SIL1: variants seen among roughly 807,000 people sequenced by gnomAD.
SIL1 encodes the protein SIL1 nucleotide exchange factor.
A neutral mutation model predicts 49.1 loss-of-function variants in SIL1; 40 were observed. The ratio of observed to expected loss-of-function variants is 0.81; its 90% confidence interval spans 0.63 to 1.06. SIL1 has a LOEUF of 1.06. Among genes scored for constraint, SIL1 ranks in the 50% least tolerant of loss-of-function variants. SIL1 has a pLI of 0.00. For missense variants in SIL1, 500 were observed against 572.6 expected, an observed-to-expected ratio of 0.87 and a Z score of 1.29; for synonymous variants, 253 against 250.8, an observed-to-expected ratio of 1.01 and a Z score of -0.08.
chr5:139,005,256 AT>A (rs1768085615), intron 7 of SIL1, among the ~76,000 whole-genome samples: 1 of 146,996 alleles, frequency 6.8e-6, no homozygotes, highest in Non-Finnish European at 1.5e-5. Context: ...GTAAAAAAAA[AT>A]TTTTTTTAAT....
chr5:138,988,119 C>T (rs1767682520), intron 7 of SIL1, among the ~76,000 whole-genome samples: 1 of 152,226 alleles, frequency 6.6e-6, no homozygotes, highest in African/African-American at 2.4e-5. Context: ...AGATGTGAGA[C>T]ACTGCGCCTG....
At chr5:139,164,612 C>T (rs1751580511) in intron 1 of SIL1, among the ~76,000 whole-genome samples, 1 of 152,144 alleles carries the variant, frequency 6.6e-6, no homozygotes, top group African/African-American at 2.4e-5. Context: ...TACCATGTGC[C>T]AAGCACATGA....
chr5:139,001,734 G>A (rs1011308839), intron 7 of SIL1, among the ~76,000 whole-genome samples: 19 of 152,022 alleles, frequency 1.2e-4, no homozygotes, highest in Non-Finnish European at 2.4e-4. Context: ...GTGAAACCCC[G>A]TCTCTACTAA....
intron 7 of SIL1, among the ~76,000 whole-genome samples, chr5:139,006,955 T>C (rs1230576779): frequency 3.4e-5 from 5 of 147,330 alleles, no homozygotes; most frequent in African/African-American, 7.6e-5. Flanking sequence ...TCTTTTTTGG[T>C]TCCATATGAA....
chr5:139,132,749 G>C (rs912501944), intron 1 of SIL1, among the ~76,000 whole-genome samples: 2 of 152,208 alleles, frequency 1.3e-5, no homozygotes, highest in Non-Finnish European at 2.9e-5. Context: ...ACGTCACCTG[G>C]TCTTGGTCCT....
chr5:138,993,072 T>A (rs960649772), intron 7 of SIL1, among the ~76,000 whole-genome samples: 4 of 152,192 alleles, frequency 2.6e-5, no homozygotes, highest in African/African-American at 9.7e-5. Context: ...GTATAAAGAC[T>A]ATATTTCTCG....
At chr5:139,058,249 G>A (rs1486768189) in intron 3 of SIL1, among the ~76,000 whole-genome samples, 1 of 152,032 alleles carries the variant, frequency 6.6e-6, no homozygotes, top group Non-Finnish European at 1.5e-5. Context: ...GGCTGTCAGG[G>A]GCTGTGGGAA....
In SIL1 at chr5:138,948,531, G is replaced by A. The variant is rs561228199; in HGVS notation, c.1030-1058C>T. On this transcript the variant is annotated intron_variant, in intron 9 of 9. Coordinates refer to ENST00000394817, the MANE Select transcript of SIL1 (RefSeq NM_022464.5). This position sits in a 1 kb window ranked among gnomAD's most constrained non-coding sequence, Gnocchi z 4.8. ...GGGACTGCGAGGCTCTGCAGGCTCT[G>A]CCCCCACTGTGCGCGGCCTGGACCC... is the stretch of plus-strand genomic sequence containing the variant. 6.6e-6 allele frequency among the ~76,000 whole-genome samples: 1 copy of A among 152,196 alleles called. No homozygotes were observed. Among genetic ancestry groups the A allele is most frequent in the African/African-American group, 2.4e-5 (1 of 41,500 alleles).
At chr5:139,178,041 T>C (rs1406727830) in intron 1 of SIL1, among the ~76,000 whole-genome samples, 1 of 152,228 alleles carries the variant, frequency 6.6e-6, no homozygotes, top group South Asian at 2.1e-4. Flanking sequence ...CAAAGGACTC[T>C]GTAGCTGTCA....
intron 3 of SIL1, among the ~76,000 whole-genome samples, chr5:139,087,150 A>C (rs1422906748): frequency 2.0e-5 from 3 of 151,824 alleles, no homozygotes; most frequent in Non-Finnish European, 4.4e-5. Context: ...TTCTTTCTTC[A>C]TCCCCAACTC....
intron 1 of SIL1, among the ~76,000 whole-genome samples, chr5:139,181,181 A>G (rs572494469): frequency 2.0e-5 from 3 of 152,218 alleles, no homozygotes; most frequent in Non-Finnish European, 4.4e-5. Context: ...CTCCTTTCCA[A>G]CCAAGCCTCT....
chr5:139,076,580 C>T (rs928116407), intron 3 of SIL1, among the ~76,000 whole-genome samples: 7 of 152,200 alleles, frequency 4.6e-5, no homozygotes, highest in South Asian at 2.1e-4. Context: ...CTCTGGGCTA[C>T]AGTACCTCAG....
chr5:139,182,210 C>A (rs894704385), intron 1 of SIL1, among the ~76,000 whole-genome samples: 4 of 152,136 alleles, frequency 2.6e-5, no homozygotes, highest in Non-Finnish European at 4.4e-5. Context: ...AGGCAAGGTC[C>A]ACGCAGCACA....
intron 3 of SIL1, among the ~76,000 whole-genome samples, chr5:139,070,782 A>G (rs549486477): frequency 2.1e-4 from 32 of 152,188 alleles, no homozygotes; most frequent in African/African-American, 6.7e-4. Flanking sequence ...CAGAGGATCA[A>G]CTCATTATCT....
chr5:139,160,438 G>A (rs916602622), intron 1 of SIL1, among the ~76,000 whole-genome samples: 9 of 152,180 alleles, frequency 5.9e-5, no homozygotes, highest in African/African-American at 2.2e-4. Context: ...AGTTGGTTGA[G>A]AGAGCCACTC....
Position 139,040,484 on chromosome 5 carries a change from C to CTTTTTTTTTTTTTT in SIL1, c.453+2135_453+2136insAAAAAAAAAAAAAA, listed in dbSNP as rs140792595. Among the ~76,000 whole-genome samples the CTTTTTTTTTTTTTT allele has an allele frequency of 2.2e-5, 2 of 89,426 alleles. 1 individual carries two copies. The highest frequency in any genetic ancestry group is 4.2e-5 in the Non-Finnish European group (2 of 47,226). 58.7% of individuals were successfully genotyped at this position (89,426 alleles called of 152,430 possible). A position where few individuals can be genotyped will look rare whatever the true frequency, so the allele number is the denominator to read the frequency against. On this transcript the variant is annotated intron_variant, in intron 5 of 9. Coordinates refer to ENST00000394817, the MANE Select transcript of SIL1 (RefSeq NM_022464.5). Reference sequence around the variant, plus strand: ...TTGCAAGGGGAGAGGAGTATTTTTTCTTTTTTCTTTTTTCTTTTTTTTTTT... The same window carrying CTTTTTTTTTTTTTT: ...TTGCAAGGGGAGAGGAGTATTTTTTCTTTTTTTTTTTTTTTTTTTTCTTTTTTCTTTTTTTTTTT...
intron 5 of SIL1, among the ~76,000 whole-genome samples, chr5:139,029,641 G>A (rs1768741570): frequency 6.6e-6 from 1 of 151,532 alleles, no homozygotes; most frequent in African/African-American, 2.4e-5. Context: ...TAGGACTACA[G>A]GCACAAGTCA....
chr5:139,154,563 G>C (rs1414975094), intron 1 of SIL1, among the ~76,000 whole-genome samples: 1 of 152,206 alleles, frequency 6.6e-6, no homozygotes, highest in Non-Finnish European at 1.5e-5. Context: ...GTCTGTGATT[G>C]AATCACTGAT....
chr5:139,102,203 G>A (rs1242704647), intron 3 of SIL1, among the ~76,000 whole-genome samples: 1 of 152,150 alleles, frequency 6.6e-6, no homozygotes, highest in Non-Finnish European at 1.5e-5. Context: ...AACAGCACCT[G>A]GAAAATGTTC....
Sources: allele counts gnomAD v4.1 joint callset (sites outside exome capture counted in the v4.1 genomes callset), GRCh38; gene constraint gnomAD v4.1.1; non-coding constraint Gnocchi (gnomAD v3.1); transcripts MANE v1.5; gene names NCBI Gene and HGNC (gene_info 2026-07-23, HGNC 2026-07-21).